Variants in VAV2 observed in about 807,000 individuals in gnomAD.
VAV2 encodes guanine nucleotide exchange factor VAV2.
In VAV2, 67 loss-of-function variants were observed where a neutral mutation model predicts 132.5. The ratio of observed to expected loss-of-function variants is 0.51; its 90% CI spans 0.42 to 0.62. The LOEUF (loss-of-function observed/expected upper bound fraction) is 0.62, where lower values mean the gene tolerates loss of function less well. VAV2 is among the 20% of genes least tolerant of loss of function. VAV2 has a pLI of 0.00. For synonymous variants in VAV2, 492 were observed against 443.5 expected (o/e 1.11, Z -1.37); for missense variants, 938 against 1,153.6 (o/e 0.81, Z 2.71).
intron 1 of VAV2, among the ~76,000 whole-genome samples, chr9:133,964,002 T>C (rs1390107065): frequency 7.3e-6 from 1 of 136,452 alleles, no homozygotes; most frequent in East Asian, 2.1e-4. Context: ...ACTAGTAAAC[T>C]TTAAAAAAAA....
chr9:133,862,369 C>T (rs1837631156), intron 2 of VAV2, among the ~76,000 whole-genome samples: 2 of 152,174 alleles, frequency 1.3e-5, no homozygotes, highest in African/African-American at 4.8e-5. Context: ...ATGAGATGGG[C>T]GGGAAGCTGT....
intron 1 of VAV2, among the ~76,000 whole-genome samples, chr9:133,955,060 C>T (rs964303786): frequency 6.6e-6 from 1 of 152,024 alleles, no homozygotes; most frequent in African/African-American, 2.4e-5. Flanking sequence ...ACCCCACAGA[C>T]ACCCACACCA....
intron 12 of VAV2, among the ~76,000 whole-genome samples, chr9:133,793,157 C>A (rs982622297): frequency 6.6e-6 from 1 of 152,152 alleles, no homozygotes; most frequent in Admixed American, 6.5e-5. Context: ...GTGCTGCAAT[C>A]CTCGTGCTGG....
rs7032354 is a variant in VAV2, at chr9:133,883,412, G to T, written c.322-21980C>A. ...CACAGTGGGCAGTCAGGGCCAGGGA[G>T]AGGAACAGAGCCGAGTCAGCTGCTG... On this transcript the variant is annotated intron_variant, in intron 2 of 29. Coordinates refer to ENST00000371850, the MANE Select transcript of VAV2 (RefSeq NM_001134398.2). This position sits in a 1 kb window ranked among gnomAD's most constrained non-coding sequence, Gnocchi z 4.2. 6.6e-6 allele frequency among the ~76,000 whole-genome samples: 1 copy of T among 152,328 alleles called. No homozygotes were observed. The highest frequency in any genetic ancestry group is 2.1e-4 in the South Asian group (1 of 4,824).
chr9:133,806,944 G>A (rs575153801), intron 8 of VAV2, among the ~76,000 whole-genome samples: 96 of 152,340 alleles, frequency 6.3e-4, no homozygotes, highest in African/African-American at 2.0e-3. Context: ...CGCTCAAAGG[G>A]GTGGAGGGAC....
chr9:133,964,835 G>A (rs767246198), intron 1 of VAV2, among the ~76,000 whole-genome samples: 1 of 152,124 alleles, frequency 6.6e-6, no homozygotes, highest in South Asian at 2.1e-4. Flanking sequence ...CACAATAAAG[G>A]TCATACATGA....
At chr9:133,943,141 G>A (rs532424893) in intron 1 of VAV2, among the ~76,000 whole-genome samples, 2 of 152,350 alleles carry the variant, frequency 1.3e-5, no homozygotes, top group South Asian at 4.1e-4. Flanking sequence ...GGACGGGCGT[G>A]TGGGCAGGCA....
At chr9:133,772,668 A>G (rs1445058790) in intron 25 of VAV2, among the ~76,000 whole-genome samples, 1 of 151,762 alleles carries the variant, frequency 6.6e-6, no homozygotes, top group Non-Finnish European at 1.5e-5. Flanking sequence ...CTACAGCCCA[A>G]TGTCCCTAAT....
chr9:133,945,215 G>C (rs1841316256), intron 1 of VAV2, among the ~76,000 whole-genome samples: 1 of 152,182 alleles, frequency 6.6e-6, no homozygotes, highest in African/African-American at 2.4e-5. Flanking sequence ...TGGGTTTCTG[G>C]GCAGGGAAAT....
chr9:133,891,074 AAAG>A (rs1300046001), intron 2 of VAV2, among the ~76,000 whole-genome samples: 4 of 151,600 alleles, frequency 2.6e-5, no homozygotes, highest in South Asian at 2.1e-4. Context: ...TAAAAAAGGC[AAAG>A]AAGATTTTCT....
chr9:133,848,303 A>AAAAAAAAAAAAAAAC, intron 3 of VAV2, among the ~76,000 whole-genome samples: 2 of 151,262 alleles, frequency 1.3e-5, no homozygotes, highest in Non-Finnish European at 2.9e-5. Context: ...AAAAAAAAAA[A>AAAAAAAAAAAAAAAC]ATCCAAAGCA....
intron 3 of VAV2, among the ~76,000 whole-genome samples, chr9:133,856,630 C>CA (rs1837395183): frequency 6.6e-6 from 1 of 152,176 alleles, no homozygotes; most frequent in Admixed American, 6.5e-5. Flanking sequence ...TCAAGCAACA[C>CA]AGACTCTTAC....
chr9:133,906,833 G>A (rs1329977926), intron 2 of VAV2, among the ~76,000 whole-genome samples: 2 of 151,650 alleles, frequency 1.3e-5, no homozygotes, highest in African/African-American at 4.8e-5. Flanking sequence ...GACGTGCGGA[G>A]ACCCATGGCT....
chr9:133,778,924 G>A (rs772860664), intron 21 of VAV2, 35 bp from the exon 22 acceptor site: 2 of 1,604,122 alleles, frequency 1.2e-6, no homozygotes, highest in Non-Finnish European at 1.7e-6. Flanking sequence ...CAGTGACTCA[G>A]CAGCTCACTC....
chr9:133,853,595 G>A (rs1380343729), intron 3 of VAV2, among the ~76,000 whole-genome samples: 2 of 152,098 alleles, frequency 1.3e-5, no homozygotes, highest in African/African-American at 4.8e-5. Context: ...GCATCACCCT[G>A]CACTACAGCC....
intron 3 of VAV2, 170 bp downstream of exon 3, chr9:133,861,204 C>A (rs568454084): frequency 1.8e-5 from 12 of 660,250 alleles, no homozygotes; most frequent in East Asian, 3.1e-5. Context: ...TCCCGCCCCC[C>A]ACACCCCTTC....
rs1588158936 is a variant in VAV2 at position 133,776,027 on chromosome 9, C to A, written c.2018+1G>T. The A allele has an allele frequency of 6.2e-7, 1 of 1,612,028 alleles. No individual in the cohort carries two copies. The highest frequency in any genetic ancestry group is 1.3e-5 in the African/African-American group (1 of 75,008). ...ATGTCTGCAGCCCACGATCCACTCA[C>A]CAGGGGTATGCAGTGTAGTCGATCT... On this transcript the variant is annotated splice_donor_variant, in intron 24 of 29. Transcript: ENST00000371850. LOFTEE classifies it high-confidence loss of function.
rs183343558 is a variant in VAV2, at chr9:133,763,735, G to A, written c.*327C>T. The A allele has an allele frequency of 1.4e-5, 5 of 369,846 alleles. No homozygotes were observed. The highest frequency in any genetic ancestry group is 8.3e-5 in the African/African-American group (4 of 47,960). The allele number at this position is 369,846 out of a possible 1,614,324, so 22.9% of individuals were successfully genotyped here. On this transcript the variant is annotated 3_prime_UTR_variant, in exon 30 of 30. Coordinates refer to ENST00000371850, the MANE Select transcript of VAV2 (RefSeq NM_001134398.2). This position sits in a 1 kb window ranked among gnomAD's most constrained non-coding sequence, Gnocchi z 6.8. ...AGGCTCCTGAAGGCCATCTCAGTTGGACAGGGGCAGGCGATGGGCCTCTGG... is the reference window on the plus strand; with the variant it reads ...AGGCTCCTGAAGGCCATCTCAGTTGAACAGGGGCAGGCGATGGGCCTCTGG...
chr9:133,992,214 C>A lies in VAV2; in HGVS notation c.65G>T (p.Arg22Leu), dbSNP rs773370672. 2.0e-5 allele frequency: 32 copies of A among 1,591,018 alleles called. No individual in the cohort carries two copies. The highest frequency in any genetic ancestry group is 2.7e-5 in the Non-Finnish European group (31 of 1,168,768). Residue 22 changes from arginine to leucine, a missense_variant, in exon 1 of 30, where the codon CGG becomes CTG. Arg to Leu is a moderately radical substitution (Grantham distance 102). Transcript: ENST00000371850. This position sits in a 1 kb window ranked among gnomAD's most constrained non-coding sequence, Gnocchi z 5.5. ...IDCKVLPPNH[R>L]VVWPSAVVFD... is the part of the protein sequence containing the mutation. ...GACCACGGCCGAGGGCCACACCACC[C>A]GGTGGTTGGGCGGCAGGACCTTGCA... is the stretch of plus-strand genomic sequence containing the variant.
Sources: allele counts gnomAD v4.1 joint callset (sites outside exome capture counted in the v4.1 genomes callset), GRCh38; gene constraint gnomAD v4.1.1; non-coding constraint Gnocchi (gnomAD v3.1); transcripts MANE v1.5; gene names NCBI Gene and HGNC (gene_info 2026-07-23, HGNC 2026-07-21).